Variants in NME7 observed in about 807,000 individuals in gnomAD.
NME7 encodes the protein NME/NM23 family member 7, also known as nucleoside diphosphate kinase 7.
NME7 carries 41 observed loss-of-function variants against 49.1 expected under a neutral mutation model. The ratio of observed to expected loss-of-function variants is 0.83; its 90% CI spans 0.65 to 1.08. The LOEUF (loss-of-function observed/expected upper bound fraction) is 1.08. Among genes scored for constraint, NME7 ranks in the 50% least tolerant of loss-of-function variants. The probability of loss-of-function intolerance (pLI) is 0.00; values close to 1 mark genes in which losing one functional copy is unlikely to be tolerated. For synonymous variants in NME7, 139 were observed against 150.6 expected (o/e 0.92, Z 0.56); for missense variants, 423 against 463.4 (o/e 0.91, Z 0.80).
intron 6 of NME7, among the ~76,000 whole-genome samples, chr1:169,298,260 T>C (rs551419162): frequency 8.1e-4 from 123 of 152,316 alleles, no homozygotes; most frequent in South Asian, 2.3e-3. Flanking sequence ...TATTCTTACA[T>C]GAATTCAATA....
At chr1:169,361,175 G>C (rs1653639707) in intron 1 of NME7, among the ~76,000 whole-genome samples, 1 of 151,682 alleles carries the variant, frequency 6.6e-6, no homozygotes, top group South Asian at 2.1e-4. Context: ...GAAAGAATTG[G>C]GAATAAAAAG....
rs576934065 is a variant in NME7 at position 169,321,911 on chromosome 1, T to A, written c.278+1206A>T. ...CTTAACTTCTACAAATAATCCCTAT[T>A]TTAATTACAGCACCAATCACTCTAC... On this transcript the variant is annotated intron_variant, in intron 3 of 11. Coordinates refer to ENST00000367811, the MANE Select transcript of NME7 (RefSeq NM_013330.5). Among the ~76,000 whole-genome samples, 52 of 151,536 alleles carry A rather than the reference T, an allele frequency of 3.4e-4. 1 individual carries two copies. In the South Asian group the frequency reaches 0.011, roughly 31 times the overall value.
chr1:169,273,337 G>C (rs1251335753), intron 7 of NME7, among the ~76,000 whole-genome samples: 1 of 131,294 alleles, frequency 7.6e-6, no homozygotes, highest in African/African-American at 2.6e-5. Context: ...GTGATAGTTT[G>C]CTGAGAATGA....
intron 11 of NME7, among the ~76,000 whole-genome samples, chr1:169,134,097 T>G (rs554089124): frequency 6.6e-6 from 1 of 152,194 alleles, no homozygotes; most frequent in Admixed American, 6.5e-5. Flanking sequence ...TGATCTTTAG[T>G]GTTATATCAC....
At chr1:169,367,120 C>T (rs568624717) in intron 1 of NME7, among the ~76,000 whole-genome samples, 1 of 148,798 alleles carries the variant, frequency 6.7e-6, no homozygotes, top group Non-Finnish European at 1.5e-5. Flanking sequence ...GCTCTCCAAG[C>T]AATCCCAGGA....
chr1:169,193,232 C>T (rs12045202), intron 10 of NME7, among the ~76,000 whole-genome samples: 16,559 of 152,058 alleles, frequency 0.11, 958 homozygotes, highest in East Asian at 0.17. Flanking sequence ...TGTCACTAAA[C>T]AAAAATCAAC....
chr1:169,200,906 T>C (rs796175546), intron 10 of NME7, among the ~76,000 whole-genome samples: 9 of 152,256 alleles, frequency 5.9e-5, no homozygotes, highest in African/African-American at 2.2e-4. Context: ...GGCCTCACCA[T>C]CCCTGAATGA....
rs933046928 is a variant in NME7, at chr1:169,366,606, T to G, written c.3+1102A>C. On this transcript the variant is annotated intron_variant, in intron 1 of 11. Coordinates refer to ENST00000367811, the MANE Select transcript of NME7 (RefSeq NM_013330.5). ...AAGCAAATGAGATCAAGAGCAAAGA[T>G]GGATGGATTATCCTTTAATATCCCT... 2.0e-5 allele frequency among the ~76,000 whole-genome samples: 3 copies of G among 152,222 alleles called. No homozygotes were observed. The South Asian group carries it at 6.2e-4, about 32-fold the overall frequency.
At chr1:169,344,654 A>AT (rs34801027) in intron 1 of NME7, among the ~76,000 whole-genome samples, 52,126 of 151,966 alleles carry the variant, frequency 0.34, 10,417 homozygotes, top group Non-Finnish European at 0.45. Flanking sequence ...TTATTTCACT[A>AT]TTTTTTGTGT....
chr1:169,233,501 A>T (rs955470370), intron 9 of NME7, among the ~76,000 whole-genome samples: 1 of 152,212 alleles, frequency 6.6e-6, no homozygotes, highest in Non-Finnish European at 1.5e-5. Context: ...AACCATTTTC[A>T]TGACTTTGAG....
At chr1:169,228,322 A>C (rs1482634660) in intron 10 of NME7, among the ~76,000 whole-genome samples, 1 of 152,124 alleles carries the variant, frequency 6.6e-6, no homozygotes, top group Non-Finnish European at 1.5e-5. Flanking sequence ...TTTAGTTTTT[A>C]TCTCTTTAAT....
rs1234423430 is a variant in NME7 at position 169,330,154 on chromosome 1, A to T, written c.4-5654T>A. ...TTTCCCAGACAAACAGAAGCTGAGA[A>T]ATTTCATCAACACCAGACCTGTTCT... On this transcript the variant is annotated intron_variant, in intron 1 of 11. Transcript: ENST00000367811. Among the ~76,000 whole-genome samples, 3 of 152,212 alleles carry T rather than the reference A, an allele frequency of 2.0e-5. No individual in the cohort carries two copies. The South Asian group carries it at 6.2e-4, about 32-fold the overall frequency.
chr1:169,170,185 T>C (rs1659540853), intron 10 of NME7, among the ~76,000 whole-genome samples: 1 of 152,184 alleles, frequency 6.6e-6, no homozygotes, highest in Non-Finnish European at 1.5e-5. Flanking sequence ...CTGAGATTAC[T>C]GTGGGTGGGA....
At chr1:169,231,158 CA>C (rs925138213) in intron 9 of NME7, among the ~76,000 whole-genome samples, 5 of 152,018 alleles carry the variant, frequency 3.3e-5, no homozygotes, top group Non-Finnish European at 5.9e-5. Flanking sequence ...ATATAAATTT[CA>C]AAGGTTTTAT....
intron 6 of NME7, among the ~76,000 whole-genome samples, 193 bp downstream of exon 6, chr1:169,298,363 G>C (rs1423598796): frequency 4.6e-5 from 7 of 152,144 alleles, no homozygotes. Context: ...CGTTGATCAT[G>C]ATCAGGTTAC....
intron 7 of NME7, among the ~76,000 whole-genome samples, chr1:169,279,239 G>A (rs1649892248): frequency 6.6e-6 from 1 of 152,226 alleles, no homozygotes; most frequent in South Asian, 2.1e-4. Flanking sequence ...GGACATTTAA[G>A]TCTGCAGAGG....
At chr1:169,162,375 T>A (rs1659276277) in intron 11 of NME7, among the ~76,000 whole-genome samples, 1 of 151,794 alleles carries the variant, frequency 6.6e-6, no homozygotes, top group Non-Finnish European at 1.5e-5. Context: ...AAAAGTGGTA[T>A]CACCAAGTTA....
intron 10 of NME7, among the ~76,000 whole-genome samples, chr1:169,195,147 C>A (rs1445755228): frequency 1.3e-5 from 2 of 152,086 alleles, no homozygotes; most frequent in African/African-American, 4.8e-5. Flanking sequence ...CAAGATGGAA[C>A]CAGGTAGAAC....
At chr1:169,147,547 C>T (rs188392326) in intron 11 of NME7, among the ~76,000 whole-genome samples, 1 of 152,296 alleles carries the variant, frequency 6.6e-6, no homozygotes, top group Admixed American at 6.5e-5. Flanking sequence ...AACACTTAGA[C>T]CAATGCTTGG....
Sources: allele counts gnomAD v4.1 joint callset (sites outside exome capture counted in the v4.1 genomes callset), GRCh38; gene constraint gnomAD v4.1.1; transcripts MANE v1.5; gene names NCBI Gene and HGNC (gene_info 2026-07-23, HGNC 2026-07-21).